Variants in ADAMTSL3 observed in about 807,000 individuals in gnomAD.
The protein encoded by ADAMTSL3 is ADAMTS-like protein 3.
ADAMTSL3 carries 128 observed loss-of-function variants against 201.7 expected under a neutral mutation model. The ratio of observed to expected loss-of-function variants is 0.63; its 90% CI spans 0.55 to 0.73. The LOEUF (loss-of-function observed/expected upper bound fraction) is 0.73. ADAMTSL3 is among the 30% of genes least tolerant of loss of function. ADAMTSL3 has a pLI of 0.00. For missense variants in ADAMTSL3, 1,990 were observed against 2,119.6 expected (o/e 0.94, Z 1.20); for synonymous variants, 738 against 748.4 (o/e 0.99, Z 0.23).
At chr15:83,992,884 T>A (rs933460951) in intron 23 of ADAMTSL3, among the ~76,000 whole-genome samples, 1 of 152,216 alleles carries the variant, frequency 6.6e-6, no homozygotes, top group Non-Finnish European at 1.5e-5. Flanking sequence ...GCAGCACTGC[T>A]GCCTAGATGG....
In ADAMTSL3 at chr15:83,864,237, G is replaced by C. The variant is rs567805193; in HGVS notation, c.802+5397G>C. 1.2e-4 allele frequency among the ~76,000 whole-genome samples: 18 copies of C among 152,228 alleles called. No individual in the cohort carries two copies. In the South Asian group the frequency reaches 3.7e-3, roughly 32 times the overall value. The stretch of plus-strand genomic sequence containing the variant: ...GAAACTATTCCAATCAATAGAAAAA[G>C]AGGGAATCCTCCCTAACTCATTTTA... On this transcript the variant is annotated intron_variant, in intron 8 of 29. Transcript: ENST00000286744.
At chr15:83,754,684 C>A (rs553763451) in intron 3 of ADAMTSL3, among the ~76,000 whole-genome samples, 1 of 152,070 alleles carries the variant, frequency 6.6e-6, no homozygotes, top group South Asian at 2.1e-4. Context: ...AGACATAGGG[C>A]TATAGAAATG....
intron 2 of ADAMTSL3, among the ~76,000 whole-genome samples, chr15:83,676,676 T>TCAA (rs976618680): frequency 7.2e-5 from 11 of 152,236 alleles, no homozygotes; most frequent in South Asian, 2.1e-4. Flanking sequence ...ACACTCCATC[T>TCAA]CAACAACAAC....
At chr15:83,965,882 C>T (rs915053431) in intron 19 of ADAMTSL3, among the ~76,000 whole-genome samples, 13 of 152,204 alleles carry the variant, frequency 8.5e-5, no homozygotes, top group African/African-American at 2.9e-4. Flanking sequence ...AAGACACTCA[C>T]TCAAAACTGC....
chr15:83,877,053 C>G (rs967041917), intron 9 of ADAMTSL3, among the ~76,000 whole-genome samples: 1 of 152,180 alleles, frequency 6.6e-6, no homozygotes, highest in African/African-American at 2.4e-5. Context: ...ATCAGCCGCC[C>G]AAACTGCTGG....
chr15:83,942,532 G>A, intron 17 of ADAMTSL3, 64 bp from the exon 18 acceptor site: 1 of 1,498,974 alleles, frequency 6.7e-7, no homozygotes, highest in Non-Finnish European at 9.1e-7. Flanking sequence ...CGTTGTTCAT[G>A]CTCTGATGGT....
chr15:83,991,139 C>T lies in ADAMTSL3; in HGVS notation c.3898C>T (p.His1300Tyr), dbSNP rs1280769528. Residue 1300 changes from histidine to tyrosine, a missense_variant, in exon 23 of 30, where the codon CAT (histidine) becomes TAT (tyrosine). Coordinates refer to ENST00000286744, the MANE Select transcript of ADAMTSL3 (RefSeq NM_207517.3). ...ERNITKPEHNHLSVVVGGIVE... is the reference protein window; with the variant it reads ...ERNITKPEHNYLSVVVGGIVE... The stretch of plus-strand genomic sequence containing the variant: ...AAATATCACCAAACCAGAGCACAAC[C>T]ATCTGTCTGTTGTGGTTGGAGGCAT... The T allele has an allele frequency of 6.2e-7, 1 of 1,614,060 alleles. No homozygotes were observed. The highest frequency in any genetic ancestry group is 2.2e-5 in the East Asian group (1 of 44,902).
chr15:83,711,361 C>T (rs888226966), intron 3 of ADAMTSL3, among the ~76,000 whole-genome samples: 4 of 152,156 alleles, frequency 2.6e-5, no homozygotes, highest in African/African-American at 4.8e-5. Flanking sequence ...TGAAAGAAGA[C>T]GGACATAGCC....
At chr15:83,921,229 C>T (rs538096900) in intron 16 of ADAMTSL3, among the ~76,000 whole-genome samples, 22 of 152,080 alleles carry the variant, frequency 1.4e-4, no homozygotes, top group Non-Finnish European at 2.2e-4. Context: ...TATTATAGTC[C>T]GAGAATGTTA....
intron 22 of ADAMTSL3, 141 bp from the exon 23 acceptor site, chr15:83,990,945 G>A (rs2067571155): frequency 8.5e-6 from 10 of 1,179,820 alleles, no homozygotes; most frequent in African/African-American, 3.1e-5. Context: ...ACATCCCCAC[G>A]GTGCACCTTG....
At chr15:83,864,501 A>G (rs113739462) in intron 8 of ADAMTSL3, among the ~76,000 whole-genome samples, 2 of 152,376 alleles carry the variant, frequency 1.3e-5, no homozygotes, top group Non-Finnish European at 2.9e-5. Context: ...AAATAGAACC[A>G]AAGACAAAAA....
intron 28 of ADAMTSL3, among the ~76,000 whole-genome samples, chr15:84,032,325 G>C (rs568069302): frequency 6.6e-6 from 1 of 152,200 alleles, no homozygotes; most frequent in South Asian, 2.1e-4. Flanking sequence ...TTGACAGTTG[G>C]CTGGGTTACC....
intron 5 of ADAMTSL3, among the ~76,000 whole-genome samples, chr15:83,819,563 T>G (rs1376230958): frequency 6.6e-6 from 1 of 151,596 alleles, no homozygotes; most frequent in Non-Finnish European, 1.5e-5. Flanking sequence ...AAAAAATACC[T>G]GGGTGGGTGA....
At chr15:83,975,174 T>C (rs1220420817) in intron 20 of ADAMTSL3, among the ~76,000 whole-genome samples, 1 of 151,960 alleles carries the variant, frequency 6.6e-6, no homozygotes, top group Admixed American at 6.6e-5. Context: ...GCTAATTTTT[T>C]TGTATTTTTA....
intron 19 of ADAMTSL3, among the ~76,000 whole-genome samples, chr15:83,950,432 A>C (rs2066736513): frequency 6.6e-6 from 1 of 152,126 alleles, no homozygotes; most frequent in East Asian, 1.9e-4. Context: ...ATTTGAAGTC[A>C]GATAATGTGA....
At chr15:84,034,455 T>C (rs761503432) in intron 28 of ADAMTSL3, among the ~76,000 whole-genome samples, 9 of 152,114 alleles carry the variant, frequency 5.9e-5, no homozygotes, top group Admixed American at 2.0e-4. Flanking sequence ...GTGGCTTCCA[T>C]TGAAAAGTTG....
intron 5 of ADAMTSL3, among the ~76,000 whole-genome samples, chr15:83,816,522 T>A (rs1330082691): frequency 6.6e-6 from 1 of 152,230 alleles, no homozygotes; most frequent in African/African-American, 2.4e-5. Flanking sequence ...CCCTAGAGAA[T>A]GCTTGCCATT....
chr15:83,912,148 T>C (rs2065946196), intron 15 of ADAMTSL3, among the ~76,000 whole-genome samples: 1 of 152,184 alleles, frequency 6.6e-6, no homozygotes, highest in South Asian at 2.1e-4. Flanking sequence ...GGAATCTGGT[T>C]TTCAAAATTC....
rs550057659 is a variant in ADAMTSL3, at chr15:83,684,215, G to C, written c.70-20174G>C. 4.6e-5 allele frequency among the ~76,000 whole-genome samples: 7 copies of C among 152,198 alleles called. No individual in the cohort carries two copies. The South Asian group carries it at 1.5e-3, about 32-fold the overall frequency. On this transcript the variant is annotated intron_variant, in intron 2 of 29. Transcript: ENST00000286744. ...TTAAATGGATTAAATAAATAATACA[G>C]ACACACACATTTACCACTTCCCAGT...
Sources: allele counts gnomAD v4.1 joint callset (sites outside exome capture counted in the v4.1 genomes callset), GRCh38; gene constraint gnomAD v4.1.1; transcripts MANE v1.5; gene names NCBI Gene and HGNC (gene_info 2026-07-23, HGNC 2026-07-21).